Variants in IMPG1 observed in about 807,000 individuals in gnomAD.
IMPG1 encodes the protein interphotoreceptor matrix proteoglycan of 150 kDa.
In IMPG1, 85 loss-of-function variants were observed where a neutral mutation model predicts 92.0. The ratio of observed to expected loss-of-function variants is 0.92; its 90% confidence interval spans 0.78 to 1.11. The LOEUF (loss-of-function observed/expected upper bound fraction) is 1.11. IMPG1 is among the 50% of genes least tolerant of loss of function. IMPG1 has a pLI of 0.00. For synonymous variants in IMPG1, 367 were observed against 334.1 expected (o/e 1.10, Z -1.08); for missense variants, 1,022 against 956.0 (o/e 1.07, Z -0.91).
chr6:76,055,845 G>A (rs965894947), intron 1 of IMPG1, among the ~76,000 whole-genome samples: 16 of 151,802 alleles, frequency 1.1e-4, no homozygotes, highest in South Asian at 6.2e-4. Context: ...TTGTAGAAAC[G>A]TGTAACTTAC....
chr6:75,944,138 C>A (rs1490713941), intron 14 of IMPG1, among the ~76,000 whole-genome samples: 1 of 152,146 alleles, frequency 6.6e-6, no homozygotes, highest in Non-Finnish European at 1.5e-5. Flanking sequence ...CCAGCCTTCG[C>A]CTTTGGTGAA....
At chr6:76,024,767 A>G (rs181519749) in intron 5 of IMPG1, 1 of 283,986 alleles carries the variant, frequency 3.5e-6, no homozygotes, top group Admixed American at 5.1e-5. Flanking sequence ...AGTTGATGAC[A>G]TCCATATGGA....
intron 12 of IMPG1, among the ~76,000 whole-genome samples, chr6:75,982,206 A>G (rs1251789725): frequency 6.6e-6 from 1 of 152,186 alleles, no homozygotes. Flanking sequence ...CAAAGCCTGA[A>G]TGCTGAGGTC....
intron 12 of IMPG1, among the ~76,000 whole-genome samples, chr6:75,963,834 A>C (rs1782251502): frequency 6.6e-6 from 1 of 152,160 alleles, no homozygotes; most frequent in Admixed American, 6.5e-5. Context: ...ATTTGTTTCA[A>C]CCTGACTCCC....
intron 12 of IMPG1, among the ~76,000 whole-genome samples, chr6:75,979,957 A>C (rs1782601488): frequency 6.6e-6 from 1 of 152,356 alleles, no homozygotes; most frequent in African/African-American, 2.4e-5. Flanking sequence ...TTGAAATAAG[A>C]AAAAGCAGAT....
intron 2 of IMPG1, among the ~76,000 whole-genome samples, chr6:76,038,099 C>T (rs1783772432): frequency 6.6e-6 from 1 of 152,268 alleles, no homozygotes; most frequent in Admixed American, 6.5e-5. Flanking sequence ...CCTGAGGATG[C>T]ATCATCAGTT....
rs757763794 is a variant in IMPG1 at position 76,034,673 on chromosome 6, T to A, written c.416A>T (p.Asp139Val). ...GGAATTGCTGAAGTTTTTTCCAATG[T>A]CAAAGAGGCAGAAGGTCTCCTGCTG... ...ICQQETFCLFDIGKNFSNSQE... is the reference protein window; with the variant it reads ...ICQQETFCLFVIGKNFSNSQE... The change falls in exon 3 of 17, where the codon GAC becomes GTC. Residue 139 changes from aspartate to valine, a missense_variant. By Grantham distance (152) the Asp-to-Val change is radical. This residue lies in a region of IMPG1 where 681 missense variants were observed against 583.6 expected (regional missense o/e 1.17). Transcript: ENST00000369950. 1.2e-6 allele frequency: 2 copies of A among 1,614,140 alleles called. No individual in the cohort carries two copies. The highest frequency in any genetic ancestry group is 1.7e-6 in the Non-Finnish European group (2 of 1,180,004).
rs140083752 is a variant in IMPG1 at position 76,000,879 on chromosome 6, G to A, written c.1291+2039C>T. The stretch of plus-strand genomic sequence containing the variant: ...TAGTGAAATAGAGAGAGAAGAGGCT[G>A]TGGTTTGAGGGCAAAGCAAGTTTGA... On this transcript the variant is annotated intron_variant, in intron 12 of 16. Coordinates refer to ENST00000369950, the MANE Select transcript of IMPG1 (RefSeq NM_001563.4). 2.0e-3 allele frequency among the ~76,000 whole-genome samples: 302 copies of A among 152,342 alleles called. 1 individual carries two copies. Among genetic ancestry groups the A allele is most frequent in the Non-Finnish European group, 3.8e-3 (261 of 68,028 alleles).
At chr6:76,071,094 T>C (rs1784396630) in intron 1 of IMPG1, among the ~76,000 whole-genome samples, 1 of 149,420 alleles carries the variant, frequency 6.7e-6, no homozygotes, top group African/African-American at 2.4e-5. Flanking sequence ...TTCCTATATG[T>C]ATAATATATT....
chr6:75,926,060 G>T lies in IMPG1; in HGVS notation c.2244-2354C>A, dbSNP rs1781544209. 2.0e-5 allele frequency among the ~76,000 whole-genome samples: 3 copies of T among 152,148 alleles called. No homozygotes were observed. The South Asian group carries it at 6.2e-4, about 32-fold the overall frequency. ...GCATTTTCGGTTCCTATTTGTCCTG[G>T]TTGGGAGATTTGGAGGCTTTGAGAA... On this transcript the variant is annotated intron_variant, in intron 15 of 16. Transcript: ENST00000369950.
Position 75,947,418 on chromosome 6 carries a change from T to C in IMPG1, c.1940A>G (p.Tyr647Cys), listed in dbSNP as rs202200012. The change falls in exon 14 of 17, where the codon TAT (tyrosine) becomes TGT (cysteine). Residue 647 changes from tyrosine (Y) to cysteine (C), a missense_variant. By Grantham distance (194) the Tyr-to-Cys change is radical (BLOSUM62 -2). This residue lies in a region of IMPG1 where 332 missense variants were observed against 346.2 expected (regional missense o/e 0.96). Coordinates refer to ENST00000369950, the MANE Select transcript of IMPG1 (RefSeq NM_001563.4). Reference protein sequence around the residue: ...SKMKFAKSVPYNLTKAVHGVL... With the variant: ...SKMKFAKSVPCNLTKAVHGVL... Reference sequence around the variant, plus strand: ...CCCGTGCACAGCCTTGGTGAGGTTATACGGCACTGACTTAGCAAACTTCAT... The same window carrying C: ...CCCGTGCACAGCCTTGGTGAGGTTACACGGCACTGACTTAGCAAACTTCAT... The C allele has an allele frequency of 1.2e-6, 2 of 1,613,964 alleles. No homozygotes were observed.
intron 4 of IMPG1, among the ~76,000 whole-genome samples, chr6:76,031,052 A>G (rs1189812220): frequency 6.6e-6 from 1 of 152,156 alleles, no homozygotes; most frequent in African/African-American, 2.4e-5. Context: ...CACCCAATAA[A>G]ACCCTGCCTT....
chr6:75,980,801 C>T (rs949800400), intron 12 of IMPG1, among the ~76,000 whole-genome samples: 2 of 152,096 alleles, frequency 1.3e-5, no homozygotes, highest in Non-Finnish European at 2.9e-5. Context: ...CTTCAATTTG[C>T]GATCATGTGA....
At chr6:75,926,744 G>C (rs1001129081) in intron 15 of IMPG1, among the ~76,000 whole-genome samples, 1 of 152,188 alleles carries the variant, frequency 6.6e-6, no homozygotes, top group Non-Finnish European at 1.5e-5. Flanking sequence ...AAGGAAGTTT[G>C]AAGTAAGTTC....
intron 5 of IMPG1, among the ~76,000 whole-genome samples, chr6:76,024,623 A>G (rs1212116126): frequency 6.6e-6 from 1 of 151,810 alleles, no homozygotes; most frequent in Admixed American, 6.6e-5. Context: ...GGCAAAATTT[A>G]TTAAAAGCCT....
At chr6:75,996,159 G>T (rs7754370) in intron 12 of IMPG1, among the ~76,000 whole-genome samples, 47,311 of 152,044 alleles carry the variant, frequency 0.31, 7,895 homozygotes, top group East Asian at 0.51. Context: ...CTAAAGATGT[G>T]CAGAGAATCT....
intron 4 of IMPG1, among the ~76,000 whole-genome samples, chr6:76,025,944 G>A (rs1217871304): frequency 6.6e-6 from 1 of 152,156 alleles, no homozygotes; most frequent in Admixed American, 6.5e-5. Flanking sequence ...GTAGTGGTGA[G>A]AGAGCCAGGT....
chr6:76,065,967 T>C (rs889438467), intron 1 of IMPG1, among the ~76,000 whole-genome samples: 1 of 152,122 alleles, frequency 6.6e-6, no homozygotes, highest in Non-Finnish European at 1.5e-5. Context: ...TTTTGTACCC[T>C]GAAAAACTAA....
chr6:75,958,060 T>C (rs1311175204), intron 12 of IMPG1, among the ~76,000 whole-genome samples: 3 of 152,236 alleles, frequency 2.0e-5, no homozygotes, highest in African/African-American at 4.8e-5. Context: ...TTCCTTTTCA[T>C]ATTTATTGCT....
Sources: gnomAD v4.1 joint callset for allele counts (sites outside exome capture counted in the v4.1 genomes callset) on GRCh38, gnomAD v4.1.1 for gene constraint, gnomAD v4.1.1 regional missense constraint, MANE v1.5 for transcripts, NCBI Gene and HGNC (gene_info 2026-07-23, HGNC 2026-07-21) for gene names.